SUMF1: variants seen among roughly 807,000 people sequenced by gnomAD.
The protein encoded by SUMF1 is sulfatase modifying factor 1.
In SUMF1, 48 loss-of-function variants were observed where a neutral mutation model predicts 47.6. That is an observed-to-expected ratio of 1.01 (90% CI 0.80 to 1.28). The LOEUF is 1.28. SUMF1 is among the 50% of genes most tolerant of loss of function. The pLI, the probability that SUMF1 is intolerant of heterozygous loss-of-function variation, is 0.00. For missense variants in SUMF1, 571 were observed against 485.4 expected (o/e 1.18, Z -1.66); for synonymous variants, 230 against 192.1 (o/e 1.20, Z -1.63).
rs567197361 is a variant in SUMF1 at position 4,104,493 on chromosome 3, T to C, written c.1015-35748A>G. Among the ~76,000 whole-genome samples the C allele has an allele frequency of 2.6e-5, 4 of 152,190 alleles. No individual in the cohort carries two copies. In the South Asian group the frequency reaches 8.3e-4, roughly 32 times the overall value. ...GATCTGTGGAGCCTGCAGCAGTGCA[T>C]CTGCTCTTTAGCTTCCCAGAGAGGT... On this transcript the variant is annotated intron_variant and NMD_transcript_variant, in intron 8 of 12. Coordinates refer to the SUMF1 transcript ENST00000448413.
chr3:4,047,818 T>C (rs1045132361), intron 9 of SUMF1, among the ~76,000 whole-genome samples: 1 of 152,154 alleles, frequency 6.6e-6, no homozygotes, highest in Admixed American at 6.5e-5. Context: ...ACCCAGAGAC[T>C]ATCCCTTCTC....
chr3:4,387,510 G>C (rs1309475068), intron 7 of SUMF1, among the ~76,000 whole-genome samples: 1 of 151,908 alleles, frequency 6.6e-6, no homozygotes, highest in Non-Finnish European at 1.5e-5. Context: ...CTAGAGGTTT[G>C]TCAATTTTAT....
chr3:4,459,625 G>A (rs1006843186), intron 1 of SUMF1, among the ~76,000 whole-genome samples: 2 of 152,002 alleles, frequency 1.3e-5, no homozygotes, highest in Non-Finnish European at 2.9e-5. Context: ...TTTGTCTAAT[G>A]TATTACTACT....
chr3:4,173,580 G>A (rs370513580), intron 8 of SUMF1, among the ~76,000 whole-genome samples: 11 of 152,092 alleles, frequency 7.2e-5, no homozygotes, highest in African/African-American at 2.2e-4. Flanking sequence ...ATATGCATAC[G>A]TATGTTTATT....
At chr3:4,441,840 C>A (rs1029053005) in intron 3 of SUMF1, among the ~76,000 whole-genome samples, 1 of 152,186 alleles carries the variant, frequency 6.6e-6, no homozygotes, top group Non-Finnish European at 1.5e-5. Flanking sequence ...GAGATGGCAA[C>A]AGCATCAGCA....
chr3:4,208,273 G>C (rs528482377), intron 8 of SUMF1, among the ~76,000 whole-genome samples: 1 of 152,034 alleles, frequency 6.6e-6, no homozygotes, highest in African/African-American at 2.4e-5. Flanking sequence ...GTAAGGAGAG[G>C]ACTAAGAAGT....
At position 4,376,243 on chromosome 3, in the gene SUMF1, T is replaced by G. The variant is rs965061644; in HGVS notation, c.1014+87A>C. On this transcript the variant is annotated intron_variant, in intron 8 of 8. Coordinates refer to ENST00000272902, the MANE Select transcript of SUMF1 (RefSeq NM_182760.4). ...TTAGGTAGGCATTTGCAGAAGTGAATGAGACATTTGGGGCTATCATTTACA... is the reference window on the plus strand; with the variant it reads ...TTAGGTAGGCATTTGCAGAAGTGAAGGAGACATTTGGGGCTATCATTTACA... The G allele has an allele frequency of 4.0e-6, 6 of 1,487,326 alleles. No homozygotes were observed. In the African/African-American group the frequency reaches 8.3e-5, roughly 21 times the overall value. 92.1% of individuals were successfully genotyped at this position (1,487,326 alleles called of 1,614,324 possible).
intron 8 of SUMF1, among the ~76,000 whole-genome samples, chr3:4,176,491 G>C (rs1303374033): frequency 6.6e-6 from 1 of 152,170 alleles, no homozygotes; most frequent in South Asian, 2.1e-4. Flanking sequence ...CAAATGCTGA[G>C]AGATTTTGTC....
At chr3:4,322,842 A>G (rs1422583882) in intron 8 of SUMF1, among the ~76,000 whole-genome samples, 1 of 152,138 alleles carries the variant, frequency 6.6e-6, no homozygotes, top group Non-Finnish European at 1.5e-5. Flanking sequence ...CCTGGCATGG[A>G]TCCAATAGAA....
chr3:4,068,620 T>C (rs898175419), exon 9 of SUMF1: 1 of 435,336 alleles, frequency 2.3e-6, no homozygotes, highest in Non-Finnish European at 4.6e-6. Flanking sequence ...TAGCTGCATA[T>C]TGCTGATGCC....
Position 4,432,208 on chromosome 3 carries a change from G to C in SUMF1, c.520-12062C>G, listed in dbSNP as rs1702254848. ...CCAGGAACTCCAATCTCAAATTAAG[G>C]GCATCACCATCTCCCCAAAACCCAG... On this transcript the variant is annotated intron_variant, in intron 3 of 8. Transcript: ENST00000272902. Among the ~76,000 whole-genome samples the C allele has an allele frequency of 3.3e-5, 5 of 150,586 alleles. No individual in the cohort carries two copies. In the South Asian group the frequency reaches 1.1e-3, roughly 32 times the overall value.
At chr3:4,391,674 G>T (rs1416250302) in intron 7 of SUMF1, among the ~76,000 whole-genome samples, 1 of 151,976 alleles carries the variant, frequency 6.6e-6, no homozygotes, top group Non-Finnish European at 1.5e-5. Context: ...GTGGATATAG[G>T]GTTTTGCCAT....
intron 8 of SUMF1, among the ~76,000 whole-genome samples, chr3:4,334,717 G>A (rs1209760413): frequency 1.3e-5 from 2 of 152,246 alleles, no homozygotes; most frequent in East Asian, 1.9e-4. Flanking sequence ...AACCCATGCA[G>A]TGGAGGTAAA....
At chr3:4,304,853 T>C (rs1698120879) in intron 8 of SUMF1, among the ~76,000 whole-genome samples, 1 of 152,156 alleles carries the variant, frequency 6.6e-6, no homozygotes, top group African/African-American at 2.4e-5. Flanking sequence ...TGAGAACATG[T>C]GTCCCAGGTG....
chr3:4,137,715 G>C lies in SUMF1; in HGVS notation c.1015-68970C>G, dbSNP rs78965303. 8.9e-3 allele frequency among the ~76,000 whole-genome samples: 1,351 copies of C among 152,176 alleles called. 27 individuals carry two copies. Among genetic ancestry groups the C allele is most frequent in the African/African-American group, 0.031 (1,293 of 41,500 alleles). On this transcript the variant is annotated intron_variant and NMD_transcript_variant, in intron 8 of 12. Coordinates refer to the SUMF1 transcript ENST00000448413. ...TTCCACAACTAACATCATACTTAAT[G>C]AAAGACTGAAGCTTTTCCTTTCACA...
At chr3:4,441,671 A>T (rs2125102186) in intron 3 of SUMF1, among the ~76,000 whole-genome samples, 1 of 152,344 alleles carries the variant, frequency 6.6e-6, no homozygotes, top group Admixed American at 6.5e-5. Flanking sequence ...ACGTCCAAAT[A>T]ATAATCATGA....
chr3:4,051,133 A>T (rs923490415), intron 9 of SUMF1, among the ~76,000 whole-genome samples: 1 of 152,020 alleles, frequency 6.6e-6, no homozygotes, highest in Non-Finnish European at 1.5e-5. Flanking sequence ...AAAAAAGAAA[A>T]AAAAAAAGGG....
chr3:4,333,151 C>G (rs116263862), intron 8 of SUMF1, among the ~76,000 whole-genome samples: 2 of 152,166 alleles, frequency 1.3e-5, no homozygotes, highest in East Asian at 1.9e-4. Flanking sequence ...GACAAGAGCT[C>G]GGGATACAGG....
chr3:4,036,352 G>A (rs546846704), intron 9 of SUMF1, among the ~76,000 whole-genome samples: 2 of 152,230 alleles, frequency 1.3e-5, no homozygotes, highest in African/African-American at 2.4e-5. Context: ...GGCTCTGCCT[G>A]GGGCAAGAAC....
Sources: gnomAD v4.1 joint callset for allele counts (sites outside exome capture counted in the v4.1 genomes callset) on GRCh38, gnomAD v4.1.1 for gene constraint, MANE v1.5 for transcripts, NCBI Gene and HGNC (gene_info 2026-07-23, HGNC 2026-07-21) for gene names.